CCDC146: variants seen among roughly 807,000 people sequenced by gnomAD.
The protein encoded by CCDC146 is coiled-coil domain containing 146.
CCDC146 carries 92 observed loss-of-function variants against 119.3 expected under a neutral mutation model. The observed-to-expected ratio is 0.77, with a 90% CI of 0.65 to 0.92. The LOEUF is 0.92. CCDC146 is among the 40% of genes least tolerant of loss of function. The probability of loss-of-function intolerance (pLI) is 0.00; values close to 1 mark genes in which losing one functional copy is unlikely to be tolerated. For missense variants in CCDC146, 1,000 were observed against 1,103.0 expected (o/e 0.91, Z 1.32); for synonymous variants, 372 against 371.8 (o/e 1.00, Z -0.01).
At chr7:77,221,216 A>G (rs911175192) in intron 2 of CCDC146, among the ~76,000 whole-genome samples, 2 of 152,234 alleles carry the variant, frequency 1.3e-5, no homozygotes, top group African/African-American at 4.8e-5. Context: ...ACTGGGTATT[A>G]CAATTCAACA....
Position 77,196,390 on chromosome 7 carries a change from A to G in CCDC146, c.156+28566A>G, listed in dbSNP as rs774936302. 35 of 1,613,998 alleles carry G rather than the reference A, an allele frequency of 2.2e-5. No homozygotes were observed. Among genetic ancestry groups the G allele is most frequent in the Non-Finnish European group, 2.8e-5 (33 of 1,180,002 alleles). ...CAGGCCAGGTACCCCAGAAAATCCC[A>G]TTACGGACACCTCTGTATTTTTGGT... On this transcript the variant is annotated intron_variant, in intron 2 of 18. Transcript: ENST00000285871. This position sits in a 1 kb window ranked among gnomAD's most constrained non-coding sequence, Gnocchi z 4.2.
At chr7:77,156,064 C>G (rs1791173744) in intron 1 of CCDC146, among the ~76,000 whole-genome samples, 1 of 152,204 alleles carries the variant, frequency 6.6e-6, no homozygotes, top group Non-Finnish European at 1.5e-5. Context: ...AGAGCTCTCT[C>G]AGCACCCTTC....
intron 2 of CCDC146, among the ~76,000 whole-genome samples, chr7:77,178,417 G>A (rs1419547182): frequency 6.6e-6 from 1 of 152,176 alleles, no homozygotes; most frequent in Non-Finnish European, 1.5e-5. Context: ...TCTTTCCTGA[G>A]CATCTACAAT....
At chr7:77,138,272 T>C (rs1211195664) in intron 1 of CCDC146, among the ~76,000 whole-genome samples, 1 of 143,250 alleles carries the variant, frequency 7.0e-6, no homozygotes, top group Non-Finnish European at 1.5e-5. Context: ...CAACAAATGG[T>C]GCTGGAGGGG....
At chr7:77,178,309 GA>G (rs1252826678) in intron 2 of CCDC146, among the ~76,000 whole-genome samples, 2 of 152,196 alleles carry the variant, frequency 1.3e-5, no homozygotes, top group Non-Finnish European at 2.9e-5. Context: ...GAAGGATGTT[GA>G]AAAGGGGACA....
In CCDC146 at chr7:77,282,614, T is replaced by G. The variant is rs1211266104; in HGVS notation, c.1977T>G (p.Asn659Lys). 2.5e-6 allele frequency: 4 copies of G among 1,612,682 alleles called. No homozygotes were observed. The highest frequency in any genetic ancestry group is 3.4e-6 in the Non-Finnish European group (4 of 1,179,312). The change falls in exon 15 of 19, where the codon AAT becomes AAG. Residue 659 changes from asparagine (N) to lysine (K), a missense_variant. By Grantham distance (94) the Asn-to-Lys change is moderately conservative (BLOSUM62 0). Coordinates refer to ENST00000285871, the MANE Select transcript of CCDC146 (RefSeq NM_020879.3). ...EEICIFYEKI[N>K]IQEKMKLNGE... Reference sequence around the variant, plus strand: ...TATGCATTTTTTATGAAAAAATAAATATCCAAGAGAAGATGAAACTAAATG... The same window carrying G: ...TATGCATTTTTTATGAAAAAATAAAGATCCAAGAGAAGATGAAACTAAATG...
At chr7:77,180,646 C>T (rs559021081) in intron 2 of CCDC146, among the ~76,000 whole-genome samples, 22 of 151,996 alleles carry the variant, frequency 1.4e-4, no homozygotes, top group Non-Finnish European at 2.9e-4. Flanking sequence ...TGCAGTGAGC[C>T]GAGATCACTC....
chr7:77,206,352 C>T (rs1180583562), intron 2 of CCDC146, among the ~76,000 whole-genome samples: 2 of 152,090 alleles, frequency 1.3e-5, no homozygotes, highest in African/African-American at 4.8e-5. Context: ...CACAGTAGCT[C>T]ACACCTGTAA....
At chr7:77,284,691 T>A (rs1793818590) in intron 15 of CCDC146, among the ~76,000 whole-genome samples, 1 of 151,414 alleles carries the variant, frequency 6.6e-6, no homozygotes, top group South Asian at 2.1e-4. Context: ...GAAATGTAAA[T>A]TCACTTTTAC....
intron 9 of CCDC146, among the ~76,000 whole-genome samples, chr7:77,269,709 G>GCGCC (rs1793473631): frequency 1.3e-5 from 2 of 152,190 alleles, no homozygotes; most frequent in Non-Finnish European, 2.9e-5. Flanking sequence ...ATAAAACTAA[G>GCGCC]CACCCATAGA....
At position 77,287,475 on chromosome 7, in the gene CCDC146, G is replaced by T. The variant is rs1247848774; in HGVS notation, c.2313G>T (p.Leu771=). 6.2e-6 allele frequency: 10 copies of T among 1,613,992 alleles called. No homozygotes were observed. The Admixed American group carries it at 8.3e-5, about 13-fold the overall frequency. The change falls in exon 17 of 19, where the codon CTG becomes CTT. Residue 771 remains leucine (L), a synonymous_variant. Coordinates refer to ENST00000285871, the MANE Select transcript of CCDC146 (RefSeq NM_020879.3). ...ELQLAKKEEK[L]LEKDFIYEQV... ...AACTGGCCAAGAAGGAGGAGAAGCT[G>T]CTGGAGAAGGATTTCATCTATGAGC...
At chr7:77,288,466 C>T (rs1385155252) in intron 17 of CCDC146, among the ~76,000 whole-genome samples, 1 of 152,246 alleles carries the variant, frequency 6.6e-6, no homozygotes, top group Non-Finnish European at 1.5e-5. Context: ...AGCCTGTACA[C>T]CCATTTCTGG....
At chr7:77,186,275 T>C (rs150735854) in intron 2 of CCDC146, among the ~76,000 whole-genome samples, 2 of 152,214 alleles carry the variant, frequency 1.3e-5, no homozygotes, top group East Asian at 3.9e-4. Context: ...AAAGAAAATG[T>C]AGTACATACA....
At chr7:77,237,429 A>C (rs954912992) in intron 3 of CCDC146, among the ~76,000 whole-genome samples, 7 of 152,188 alleles carry the variant, frequency 4.6e-5, no homozygotes, top group Non-Finnish European at 1.0e-4. Flanking sequence ...GCGCTTTGAC[A>C]AACCAAGCAA....
chr7:77,277,268 A>T (rs79895823), intron 11 of CCDC146, among the ~76,000 whole-genome samples: 1,591 of 152,318 alleles, frequency 0.01, 22 homozygotes, highest in African/African-American at 0.036. Context: ...CACCAGAGGT[A>T]TACTTATTTG....
At chr7:77,248,255 T>C (rs1405340822) in intron 4 of CCDC146, among the ~76,000 whole-genome samples, 2 of 152,136 alleles carry the variant, frequency 1.3e-5, no homozygotes, top group East Asian at 3.8e-4. Flanking sequence ...GACTAGTAGA[T>C]ACTGGAGACT....
chr7:77,148,981 T>G (rs1366472731), intron 1 of CCDC146, among the ~76,000 whole-genome samples: 2 of 152,004 alleles, frequency 1.3e-5, no homozygotes, highest in Non-Finnish European at 2.9e-5. Context: ...AAAAACTACT[T>G]TAATTTATAT....
intron 8 of CCDC146, among the ~76,000 whole-genome samples, chr7:77,261,250 T>C (rs1793290759): frequency 6.6e-6 from 1 of 152,144 alleles, no homozygotes; most frequent in Non-Finnish European, 1.5e-5. Context: ...CCTATTATTT[T>C]TCCTGATTCT....
intron 1 of CCDC146, among the ~76,000 whole-genome samples, chr7:77,146,816 G>A (rs899944361): frequency 6.6e-6 from 1 of 152,126 alleles, no homozygotes; most frequent in Admixed American, 6.5e-5. Context: ...TGGGTAACCC[G>A]ACCTTTCTCT....
Sources: allele counts gnomAD v4.1 joint callset (sites outside exome capture counted in the v4.1 genomes callset), GRCh38; gene constraint gnomAD v4.1.1; non-coding constraint Gnocchi (gnomAD v3.1); transcripts MANE v1.5; gene names NCBI Gene and HGNC (gene_info 2026-07-23, HGNC 2026-07-21).